The following TOR1AIP1 variants were observed in gnomAD, a reference collection of about 807,000 sequenced individuals.
The protein encoded by TOR1AIP1 is torsin 1A interacting protein 1, also known as torsin-1A-interacting protein 1.
A neutral mutation model predicts 63.3 loss-of-function variants in TOR1AIP1; 54 were observed. That is an observed-to-expected ratio of 0.85 (90% CI 0.69 to 1.07). The LOEUF (loss-of-function observed/expected upper bound fraction) is 1.07. TOR1AIP1 is among the 50% of genes least tolerant of loss of function. The probability of loss-of-function intolerance (pLI) is 0.00; values close to 1 mark genes in which losing one functional copy is unlikely to be tolerated. For synonymous variants in TOR1AIP1, 294 were observed against 273.5 expected (o/e 1.07, Z -0.74); for missense variants, 736 against 715.0 (o/e 1.03, Z -0.33).
rs1026733885 is a variant in TOR1AIP1 at position 179,900,124 on chromosome 1, A to G, written c.611-2A>G. ...TATTTGATGTATGCTTTTTTCTTCT[A>G]GAAGCCACCAGTGTCCAACAGAAGG... On this transcript the variant is annotated splice_acceptor_variant, in intron 3 of 9. Transcript: ENST00000606911. LOFTEE classifies it high-confidence loss of function. 6.2e-7 allele frequency: 1 copy of G among 1,604,496 alleles called. No individual in the cohort carries two copies. Among genetic ancestry groups the G allele is most frequent in the Non-Finnish European group, 8.5e-7 (1 of 1,174,166 alleles).
Position 179,917,774 on chromosome 1 carries a change from T to C in TOR1AIP1, c.1287T>C (p.Ile429=), listed in dbSNP as rs1412029259. 4 of 1,614,066 alleles carry C rather than the reference T, an allele frequency of 2.5e-6. No homozygotes were observed. ...CACTTAGGTGTCTGAGTGAACAAAT[T>C]GCTGATGCCTATTCTTCTTTTCGTA... ...EEALRCLSEQ[I]ADAYSSFRSV... Residue 429 remains isoleucine, a synonymous_variant, in exon 10 of 10, where the codon ATT becomes ATC. Coordinates refer to ENST00000606911, the MANE Select transcript of TOR1AIP1 (RefSeq NM_015602.4).
At chr1:179,911,975 CT>C (rs1355275034) in intron 8 of TOR1AIP1, among the ~76,000 whole-genome samples, 4 of 141,142 alleles carry the variant, frequency 2.8e-5, no homozygotes, top group East Asian at 2.1e-4. Flanking sequence ...TTTTCTTTTT[CT>C]TTTTTTCTTT....
chr1:179,914,792 C>CAAAAAAA (rs568810002), intron 9 of TOR1AIP1, among the ~76,000 whole-genome samples: 1 of 72,462 alleles, frequency 1.4e-5, no homozygotes, highest in Non-Finnish European at 2.8e-5. Context: ...GACTCTGTCT[C>CAAAAAAA]AAAAAAAAAA....
intron 6 of TOR1AIP1, among the ~76,000 whole-genome samples, chr1:179,904,320 A>G (rs1189919027): frequency 1.3e-5 from 2 of 152,194 alleles, no homozygotes; most frequent in Non-Finnish European, 2.9e-5. Flanking sequence ...TAACAGACTA[A>G]TGTAGTAGTT....
At chr1:179,894,199 C>T (rs1275697937) in intron 3 of TOR1AIP1, among the ~76,000 whole-genome samples, 6 of 148,540 alleles carry the variant, frequency 4.0e-5, no homozygotes, top group African/African-American at 1.5e-4. Context: ...TGCAGTGAGC[C>T]GAGATCCCGC....
At chr1:179,901,436 G>A (rs1479579019) in intron 5 of TOR1AIP1, 48 bp downstream of exon 5, 3 of 1,170,398 alleles carry the variant, frequency 2.6e-6, no homozygotes, top group African/African-American at 1.6e-5. Context: ...AACTATCTTT[G>A]GTATTCCATG....
At chr1:179,911,995 CTTTTTTCTTTTTTT>C (rs1648853119) in intron 8 of TOR1AIP1, among the ~76,000 whole-genome samples, 1 of 97,768 alleles carries the variant, frequency 1.0e-5, no homozygotes, top group African/African-American at 3.7e-5. Context: ...TTTTTTTTTT[CTTTTTTCTTTTTTT>C]TCTTTTTTTT....
rs543466936 is a variant in TOR1AIP1, at chr1:179,906,938, C to T, written c.797-885C>T. Among the ~76,000 whole-genome samples the T allele has an allele frequency of 4.8e-4, 73 of 151,594 alleles. 1 individual carries two copies. Among genetic ancestry groups the T allele is most frequent in the African/African-American group, 1.7e-3 (71 of 41,406 alleles). The stretch of plus-strand genomic sequence containing the variant: ...ATATTTAGTAGAGACGGGGTTTCAC[C>T]GTGTTAGCCAGGATGGTCTCGATCT... On this transcript the variant is annotated intron_variant, in intron 6 of 9. Coordinates refer to ENST00000606911, the MANE Select transcript of TOR1AIP1 (RefSeq NM_015602.4).
At chr1:179,913,894 TC>T in intron 8 of TOR1AIP1, 103 bp from the exon 9 acceptor site, 1 of 1,109,140 alleles carries the variant, frequency 9.0e-7, no homozygotes, top group Admixed American at 2.5e-5. Flanking sequence ...ATCTCTGTCT[TC>T]TTTTTTTCCT....
intron 5 of TOR1AIP1, among the ~76,000 whole-genome samples, chr1:179,902,013 C>T (rs1172452333): frequency 6.7e-6 from 1 of 149,578 alleles, no homozygotes; most frequent in African/African-American, 2.5e-5. Flanking sequence ...TTCTGTAATT[C>T]CAATTCTTTT....
intron 3 of TOR1AIP1, among the ~76,000 whole-genome samples, chr1:179,892,041 G>GT (rs1262581641): frequency 3.3e-5 from 5 of 152,026 alleles, no homozygotes; most frequent in Admixed American, 6.6e-5. Flanking sequence ...GTTAGACTTA[G>GT]TTTTTTTTAC....
chr1:179,887,590 T>G (rs1647949557), intron 2 of TOR1AIP1, among the ~76,000 whole-genome samples: 1 of 152,226 alleles, frequency 6.6e-6, no homozygotes, highest in South Asian at 2.1e-4. Context: ...GCCGTTAGGT[T>G]GTTTAATCAA....
chr1:179,903,780 A>G (rs1367706544), intron 5 of TOR1AIP1, among the ~76,000 whole-genome samples, 186 bp from the exon 6 acceptor site: 2 of 152,230 alleles, frequency 1.3e-5, no homozygotes, highest in African/African-American at 4.8e-5. Flanking sequence ...ATGTGCTGGG[A>G]TTATAGGCAA....
rs1289144369 is a variant in TOR1AIP1, at chr1:179,917,980, A to C, written c.1493A>C (p.His498Pro). The C allele has an allele frequency of 9.9e-6, 16 of 1,614,122 alleles. No homozygotes were observed. The highest frequency in any genetic ancestry group is 2.2e-5 in the East Asian group (1 of 44,902). ...TTGATCTTCTACAAATATTGTGACC[A>C]TGAAAACGCGGCCTTCAAAGATGTA... ...STLIFYKYCDHENAAFKDVAL... is the reference protein window; with the variant it reads ...STLIFYKYCDPENAAFKDVAL... Residue 498 changes from histidine (H) to proline (P), a missense_variant, in exon 10 of 10, where the codon CAT (histidine) becomes CCT (proline). Transcript: ENST00000606911.
rs1647728980 is a variant in TOR1AIP1, at chr1:179,882,403, CCACCGCCCAA to C, written c.-95_-86del. 1.6e-6 allele frequency: 2 copies of C among 1,238,938 alleles called. No individual in the cohort carries two copies. The highest frequency in any genetic ancestry group is 2.1e-6 in the Non-Finnish European group (2 of 948,248). 76.7% of individuals were successfully genotyped at this position (1,238,938 alleles called of 1,614,324 possible). A position where few individuals can be genotyped will look rare whatever the true frequency, so the allele number is the denominator to read the frequency against. On this transcript the variant is annotated 5_prime_UTR_variant, in exon 1 of 10. Coordinates refer to ENST00000606911, the MANE Select transcript of TOR1AIP1 (RefSeq NM_015602.4). ...GCAACTGCCTCCCTGACCACAGCGG[CCACCGCCCAA>C]CACCCCCGAGAAGCCATCGCCACCA...
At chr1:179,895,732 T>C (rs1468935922) in intron 3 of TOR1AIP1, among the ~76,000 whole-genome samples, 1 of 152,094 alleles carries the variant, frequency 6.6e-6, no homozygotes. Context: ...AAACCCCGTC[T>C]CTACTAAAAA....
chr1:179,882,474 C>T lies in TOR1AIP1; in HGVS notation c.-29C>T. 2.1e-6 allele frequency: 3 copies of T among 1,421,832 alleles called. No homozygotes were observed. The highest frequency in any genetic ancestry group is 1.8e-6 in the Non-Finnish European group (2 of 1,086,146). The allele number at this position is 1,421,832 out of a possible 1,614,324, so 88.1% of individuals were successfully genotyped here. A position where few individuals can be genotyped will look rare whatever the true frequency, so the allele number is the denominator to read the frequency against. On this transcript the variant is annotated 5_prime_UTR_variant, in exon 1 of 10. Coordinates refer to ENST00000606911, the MANE Select transcript of TOR1AIP1 (RefSeq NM_015602.4). ...AACCTAGGGTCCATAAAGCCATCTTCGCGATCGACTAAAGCTACGTCAACA... is the reference window on the plus strand; with the variant it reads ...AACCTAGGGTCCATAAAGCCATCTTTGCGATCGACTAAAGCTACGTCAACA...
chr1:179,907,242 C>T (rs1161708075), intron 6 of TOR1AIP1, among the ~76,000 whole-genome samples: 1 of 151,220 alleles, frequency 6.6e-6, no homozygotes, highest in Non-Finnish European at 1.5e-5. Flanking sequence ...GCCTGGCCAA[C>T]ATGGGGAAAC....
chr1:179,899,060 G>T (rs76867143), intron 3 of TOR1AIP1, among the ~76,000 whole-genome samples: 1 of 152,028 alleles, frequency 6.6e-6, no homozygotes, highest in East Asian at 1.9e-4. Context: ...CAAATTCACC[G>T]TATAATGTGT....
Sources: gnomAD v4.1 joint callset for allele counts (sites outside exome capture counted in the v4.1 genomes callset) on GRCh38, gnomAD v4.1.1 for gene constraint, MANE v1.5 for transcripts, NCBI Gene and HGNC (gene_info 2026-07-23, HGNC 2026-07-21) for gene names.